The following MERTK variants were observed in gnomAD, a reference collection of about 807,000 sequenced individuals.
MERTK encodes tyrosine-protein kinase Mer.
In MERTK, 69 loss-of-function variants were observed where a neutral mutation model predicts 99.3. The ratio of observed to expected loss-of-function variants is 0.70; its 90% CI spans 0.57 to 0.85. MERTK has a LOEUF of 0.85. Among genes scored for constraint, MERTK ranks in the 40% least tolerant of loss-of-function variants. MERTK has a pLI of 0.00. For missense variants in MERTK, 1,125 were observed against 1,249.4 expected (o/e 0.90, Z 1.50); for synonymous variants, 426 against 467.6 (o/e 0.91, Z 1.15).
chr2:111,935,561 T>C (rs1684749224), intron 2 of MERTK, among the ~76,000 whole-genome samples: 1 of 152,030 alleles, frequency 6.6e-6, no homozygotes, highest in African/African-American at 2.4e-5. Context: ...TCCCATGTAC[T>C]CTGGAAAGAC....
chr2:111,946,528 TAC>T (rs1684964778), intron 3 of MERTK, among the ~76,000 whole-genome samples: 1 of 152,146 alleles, frequency 6.6e-6, no homozygotes, highest in Non-Finnish European at 1.5e-5. Flanking sequence ...TTTTGGAAAG[TAC>T]GGTAGATTTA....
intron 8 of MERTK, among the ~76,000 whole-genome samples, chr2:111,992,737 C>T (rs1215197068): frequency 1.7e-5 from 2 of 119,660 alleles, no homozygotes; most frequent in African/African-American, 6.3e-5. Context: ...GGTGACAGAG[C>T]AAGACTCCGT....
chr2:112,019,893 T>C (rs1263828492), intron 16 of MERTK, among the ~76,000 whole-genome samples: 1 of 152,228 alleles, frequency 6.6e-6, no homozygotes, highest in Non-Finnish European at 1.5e-5. Flanking sequence ...GGCTTTTCCC[T>C]AAGTTTTCAC....
intron 8 of MERTK, among the ~76,000 whole-genome samples, chr2:111,993,740 A>G (rs1313476650): frequency 6.6e-6 from 1 of 152,130 alleles, no homozygotes; most frequent in East Asian, 1.9e-4. Context: ...AGCAAGTTGT[A>G]CATTTGTCAC....
intron 4 of MERTK, among the ~76,000 whole-genome samples, chr2:111,963,405 G>T (rs1484851693): frequency 6.6e-6 from 1 of 152,166 alleles, no homozygotes; most frequent in African/African-American, 2.4e-5. Flanking sequence ...GTGTCGGGCT[G>T]GGGGACGGTC....
At chr2:111,963,039 C>G (rs188486885) in intron 4 of MERTK, among the ~76,000 whole-genome samples, 1 of 151,992 alleles carries the variant, frequency 6.6e-6, no homozygotes, top group African/African-American at 2.4e-5. Context: ...GGGTGTTTCT[C>G]GGAGAGGGGG....
At chr2:111,936,329 A>G (rs1684764487) in intron 2 of MERTK, among the ~76,000 whole-genome samples, 1 of 152,238 alleles carries the variant, frequency 6.6e-6, no homozygotes, top group African/African-American at 2.4e-5. Context: ...AAATATTTTA[A>G]GGCTGCTATA....
At chr2:111,987,709 C>T (rs1295663266) in intron 8 of MERTK, among the ~76,000 whole-genome samples, 3 of 152,308 alleles carry the variant, frequency 2.0e-5, no homozygotes. Flanking sequence ...AATAGAATTA[C>T]AAAATATTGC....
intron 14 of MERTK, 93 bp from the exon 15 acceptor site, chr2:112,009,855 C>A: frequency 1.1e-6 from 1 of 947,050 alleles, no homozygotes; most frequent in Non-Finnish European, 1.7e-6. Context: ...AACTTGGTAA[C>A]ACACGGCTTC....
rs143584038 is a variant in MERTK at position 111,982,904 on chromosome 2, A to G, written c.1207A>G (p.Ile403Val). 6.2e-7 allele frequency: 1 copy of G among 1,614,174 alleles called. No individual in the cohort carries two copies. The change falls in exon 8 of 19, where the codon ATC (isoleucine) becomes GTC (valine). Residue 403 changes from isoleucine to valine, a missense_variant. Ile to Val is a conservative substitution (Grantham distance 29, BLOSUM62 3). Coordinates refer to ENST00000295408, the MANE Select transcript of MERTK (RefSeq NM_006343.3). ...FLNESSDNVDIRWMKPPTKQQ... is the reference protein window; with the variant it reads ...FLNESSDNVDVRWMKPPTKQQ... Reference sequence around the variant, plus strand: ...GAATGAATCTAGTGATAATGTGGACATCAGATGGATGAAGCCTCCGACTAA... The same window carrying G: ...GAATGAATCTAGTGATAATGTGGACGTCAGATGGATGAAGCCTCCGACTAA...
At chr2:111,921,274 C>T (rs2104677575) in intron 1 of MERTK, among the ~76,000 whole-genome samples, 1 of 152,174 alleles carries the variant, frequency 6.6e-6, no homozygotes, top group Non-Finnish European at 1.5e-5. Context: ...TGAAGGCGGG[C>T]AGATCACCTG....
intron 4 of MERTK, among the ~76,000 whole-genome samples, chr2:111,962,229 C>T (rs62162472): frequency 0.059 from 8,993 of 152,184 alleles, 389 homozygotes; most frequent in South Asian, 0.2. Flanking sequence ...CCATTCAGGT[C>T]GGGTGTGGTG....
At chr2:111,926,188 A>G (rs1332964452) in intron 1 of MERTK, among the ~76,000 whole-genome samples, 1 of 152,218 alleles carries the variant, frequency 6.6e-6, no homozygotes, top group Non-Finnish European at 1.5e-5. Context: ...TTTTCACAAC[A>G]AATTTGTTAA....
At chr2:111,979,941 A>G (rs938624983) in intron 7 of MERTK, among the ~76,000 whole-genome samples, 1 of 151,998 alleles carries the variant, frequency 6.6e-6, no homozygotes, top group Admixed American at 6.5e-5. Flanking sequence ...GACCTCTGCT[A>G]ATTTCTGCTG....
intron 1 of MERTK, among the ~76,000 whole-genome samples, chr2:111,918,109 A>G (rs1573569286): frequency 6.6e-6 from 1 of 152,126 alleles, no homozygotes; most frequent in Admixed American, 6.5e-5. Context: ...ATTCTGTTCT[A>G]TGTGATTTTT....
At chr2:111,927,932 A>T (rs1234572498) in intron 1 of MERTK, among the ~76,000 whole-genome samples, 1 of 151,754 alleles carries the variant, frequency 6.6e-6, no homozygotes, top group African/African-American at 2.4e-5. Context: ...CACCTGTCTC[A>T]CTCACTCCCT....
At chr2:111,993,370 A>G (rs575857945) in intron 8 of MERTK, among the ~76,000 whole-genome samples, 17 of 152,156 alleles carry the variant, frequency 1.1e-4, no homozygotes, top group African/African-American at 2.2e-4. Flanking sequence ...AAAGTTACCA[A>G]TAGCACTGCC....
chr2:112,027,174 T>C (rs899815627), intron 18 of MERTK, among the ~76,000 whole-genome samples: 4 of 150,452 alleles, frequency 2.7e-5, no homozygotes, highest in Non-Finnish European at 4.4e-5. Flanking sequence ...TATATATATA[T>C]ATACACACAC....
At position 111,929,397 on chromosome 2, in the gene MERTK, T is replaced by C. The variant is rs1419559740; in HGVS notation, c.339T>C (p.Phe113=). The C allele has an allele frequency of 5.6e-6, 9 of 1,614,036 alleles. No homozygotes were observed. The highest frequency in any genetic ancestry group is 6.8e-6 in the Non-Finnish European group (8 of 1,180,038). The change falls in exon 2 of 19, where the codon TTT becomes TTC. Residue 113 remains phenylalanine (F), a synonymous_variant. Coordinates refer to ENST00000295408, the MANE Select transcript of MERTK (RefSeq NM_006343.3). ...TTTCTGAACATAAAGGTGTCAAATT[T>C]AATTGCTCAATCAGTGTACCTAATA... ...IILSEHKGVK[F]NCSISVPNIY... is the part of the protein sequence containing the mutation.
Sources: allele counts gnomAD v4.1 joint callset (sites outside exome capture counted in the v4.1 genomes callset), GRCh38; gene constraint gnomAD v4.1.1; transcripts MANE v1.5; gene names NCBI Gene and HGNC (gene_info 2026-07-23, HGNC 2026-07-21).